CCSER1: variants seen among roughly 807,000 people sequenced by gnomAD.
CCSER1 encodes serine-rich coiled-coil domain-containing protein 1.
A neutral mutation model predicts 82.0 loss-of-function variants in CCSER1; 41 were observed. The observed-to-expected ratio is 0.50, with a 90% CI of 0.39 to 0.65. The LOEUF is 0.65. CCSER1 is among the 30% of genes least tolerant of loss of function. The probability of loss-of-function intolerance (pLI) is 0.00; values close to 1 mark genes in which losing one functional copy is unlikely to be tolerated. For missense variants in CCSER1, 1,119 were observed against 1,064.2 expected, an observed-to-expected ratio of 1.05 and a Z score of -0.72; for synonymous variants, 414 against 383.9, an observed-to-expected ratio of 1.08 and a Z score of -0.92.
At chr4:90,287,695 C>G (rs1473942447) in intron 1 of CCSER1, among the ~76,000 whole-genome samples, 2 of 151,514 alleles carry the variant, frequency 1.3e-5, no homozygotes, top group East Asian at 3.9e-4. Flanking sequence ...TTCTTCATGT[C>G]CCCCAAAATT....
chr4:91,511,117 T>G (rs182621605), intron 10 of CCSER1, among the ~76,000 whole-genome samples: 145 of 152,264 alleles, frequency 9.5e-4, no homozygotes, highest in Middle Eastern at 3.4e-3. Context: ...TTTTTTTTAT[T>G]TTGTTGAAGC....
At chr4:91,350,875 T>G (rs1470754675) in intron 10 of CCSER1, among the ~76,000 whole-genome samples, 1 of 151,986 alleles carries the variant, frequency 6.6e-6, no homozygotes, top group Non-Finnish European at 1.5e-5. Context: ...AAAATTTACT[T>G]TGACAGGAAA....
intron 10 of CCSER1, chr4:91,319,824 A>C (rs1746075006): frequency 2.4e-6 from 1 of 413,204 alleles, no homozygotes; most frequent in Non-Finnish European, 4.8e-6. Flanking sequence ...AACAGCCAGA[A>C]ATACAGTAGT....
intron 3 of CCSER1, among the ~76,000 whole-genome samples, chr4:90,354,958 T>A (rs1744149606): frequency 1.3e-5 from 2 of 152,094 alleles, no homozygotes; most frequent in Admixed American, 1.3e-4. Flanking sequence ...AATACAAAGC[T>A]TTCTTTAATC....
At chr4:91,379,876 G>C (rs1750737334) in intron 10 of CCSER1, among the ~76,000 whole-genome samples, 1 of 152,038 alleles carries the variant, frequency 6.6e-6, no homozygotes, top group African/African-American at 2.4e-5. Flanking sequence ...TTTCTCTTGT[G>C]GGCATTAAGT....
At chr4:91,461,980 T>G (rs149527064) in intron 10 of CCSER1, among the ~76,000 whole-genome samples, 1 of 152,306 alleles carries the variant, frequency 6.6e-6, no homozygotes, top group African/African-American at 2.4e-5. Flanking sequence ...ACTATCTATT[T>G]AATGTGTTTC....
At chr4:90,418,334 T>C (rs1756128249) in intron 4 of CCSER1, among the ~76,000 whole-genome samples, 1 of 152,124 alleles carries the variant, frequency 6.6e-6, no homozygotes, top group Non-Finnish European at 1.5e-5. Flanking sequence ...GATTTAGTGA[T>C]CTTTCCAGTC....
At position 91,133,546 on chromosome 4, in the gene CCSER1, G is replaced by C. The variant is rs944910336; in HGVS notation, c.2217+47552G>C. ...TATTGAACTGGACTTAGAGGCATTG[G>C]TATAAACTTTTGATTTTTGATAGAT... On this transcript the variant is annotated intron_variant, in intron 10 of 10. Transcript: ENST00000509176. Among the ~76,000 whole-genome samples, 4 of 152,134 alleles carry C rather than the reference G, an allele frequency of 2.6e-5. No individual in the cohort carries two copies. The South Asian group carries it at 8.3e-4, about 31-fold the overall frequency.
chr4:91,036,941 G>A (rs1229588772), intron 9 of CCSER1, among the ~76,000 whole-genome samples: 1 of 151,950 alleles, frequency 6.6e-6, no homozygotes, highest in African/African-American at 2.4e-5. Flanking sequence ...AGCCAGGGGT[G>A]GTGGTGGAGG....
intron 10 of CCSER1, among the ~76,000 whole-genome samples, chr4:91,142,480 T>G (rs978982100): frequency 6.6e-6 from 1 of 152,188 alleles, no homozygotes; most frequent in African/African-American, 2.4e-5. Context: ...TAGATCCACT[T>G]GGTAATTTTT....
chr4:91,083,989 C>G (rs953000132), intron 9 of CCSER1, among the ~76,000 whole-genome samples: 2 of 152,110 alleles, frequency 1.3e-5, no homozygotes, highest in African/African-American at 4.8e-5. Context: ...AAACAATACT[C>G]CCATGATCTC....
intron 5 of CCSER1, among the ~76,000 whole-genome samples, chr4:90,498,519 C>T (rs1361834938): frequency 6.6e-6 from 1 of 152,054 alleles, no homozygotes; most frequent in African/African-American, 2.4e-5. Flanking sequence ...TGAGAGTATC[C>T]TCATGAAATC....
chr4:90,779,456 G>T (rs952045065), intron 7 of CCSER1, among the ~76,000 whole-genome samples: 2 of 151,744 alleles, frequency 1.3e-5, no homozygotes, highest in Non-Finnish European at 2.9e-5. Flanking sequence ...TCTGTCCCTA[G>T]CACCATTTTA....
intron 5 of CCSER1, among the ~76,000 whole-genome samples, chr4:90,542,128 G>T (rs1268489512): frequency 4.6e-5 from 7 of 151,908 alleles, no homozygotes; most frequent in Non-Finnish European, 7.4e-5. Flanking sequence ...TGTGATAAAA[G>T]AACTTTTCAG....
chr4:90,932,982 G>GAAAGAGAGAGAGAGAA (rs771267852), intron 9 of CCSER1, among the ~76,000 whole-genome samples: 2 of 18,856 alleles, frequency 1.1e-4, no homozygotes, highest in Non-Finnish European at 1.9e-4. Flanking sequence ...AAGAAAGAAA[G>GAAAGAGAGAGAGAGAA]AGAAAGAAAG....
intron 6 of CCSER1, among the ~76,000 whole-genome samples, chr4:90,716,834 A>G (rs1264209908): frequency 6.6e-6 from 1 of 152,178 alleles, no homozygotes; most frequent in Non-Finnish European, 1.5e-5. Context: ...TCATTAAGCA[A>G]CACATGTCTA....
chr4:91,578,771 G>A (rs529792967), intron 10 of CCSER1, among the ~76,000 whole-genome samples: 76 of 151,846 alleles, frequency 5.0e-4, no homozygotes, highest in Admixed American at 3.9e-3. Context: ...TTTTCCCATT[G>A]TATTAACAAT....
chr4:91,223,052 G>T (rs1581797089), intron 10 of CCSER1, among the ~76,000 whole-genome samples: 1 of 151,496 alleles, frequency 6.6e-6, no homozygotes, highest in Admixed American at 6.6e-5. Context: ...TTAAAATAAT[G>T]TTTTTTTCTT....
chr4:90,503,693 GAGA>G (rs1770272468), intron 5 of CCSER1, among the ~76,000 whole-genome samples: 1 of 152,090 alleles, frequency 6.6e-6, no homozygotes, highest in Non-Finnish European at 1.5e-5. Context: ...ATAGTTTGCT[GAGA>G]AGGATGGTTT....
Sources: gnomAD v4.1 joint callset for allele counts (sites outside exome capture counted in the v4.1 genomes callset) on GRCh38, gnomAD v4.1.1 for gene constraint, MANE v1.5 for transcripts, NCBI Gene and HGNC (gene_info 2026-07-23, HGNC 2026-07-21) for gene names.